ITSN2: variants seen among roughly 807,000 people sequenced by gnomAD.
The protein encoded by ITSN2 is intersectin-2.
ITSN2 carries 156 observed loss-of-function variants against 243.7 expected under a neutral mutation model. The observed-to-expected ratio is 0.64, with a 90% CI of 0.56 to 0.73. The LOEUF is 0.73. Ranked by LOEUF, ITSN2 falls within the 30% of genes least tolerant of loss-of-function variation. The pLI is 0.00. For synonymous variants in ITSN2, 703 were observed against 699.9 expected (o/e 1.00, Z -0.07); for missense variants, 1,801 against 1,996.1 (o/e 0.90, Z 1.86).
intron 1 of ITSN2, among the ~76,000 whole-genome samples, chr2:24,356,555 T>C (rs555371792): frequency 9.1e-4 from 137 of 150,700 alleles, no homozygotes; most frequent in African/African-American, 3.2e-3. Context: ...AAAGAAGACA[T>C]TTTTGAGGCC....
Position 24,354,845 on chromosome 2 carries a change from T to C in ITSN2, c.-34+5459A>G, listed in dbSNP as rs114194934. 3.7e-3 allele frequency among the ~76,000 whole-genome samples: 566 copies of C among 152,352 alleles called. 6 individuals are homozygous for C. Among genetic ancestry groups the C allele is most frequent in the African/African-American group, 0.013 (531 of 41,582 alleles). On this transcript the variant is annotated intron_variant, in intron 1 of 39. Coordinates refer to ENST00000355123, the MANE Select transcript of ITSN2 (RefSeq NM_006277.3). The stretch of plus-strand genomic sequence containing the variant: ...AAAACAAATGTTTACCGTCTGGTAA[T>C]AGTCCCCTAATCCACTAAATGTCTG...
intron 1 of ITSN2, among the ~76,000 whole-genome samples, chr2:24,350,948 T>G (rs1321387553): frequency 6.6e-6 from 1 of 152,192 alleles, no homozygotes; most frequent in Non-Finnish European, 1.5e-5. Context: ...CACAAGTCTG[T>G]GAATATACTA....
intron 20 of ITSN2, among the ~76,000 whole-genome samples, chr2:24,267,063 T>C (rs1042031730): frequency 6.6e-6 from 1 of 152,192 alleles, no homozygotes; most frequent in Non-Finnish European, 1.5e-5. Flanking sequence ...CTCAGCATTG[T>C]ACCTGATTTA....
chr2:24,307,353 TA>T (rs536698735), intron 8 of ITSN2, among the ~76,000 whole-genome samples: 189 of 140,612 alleles, frequency 1.3e-3, no homozygotes, highest in South Asian at 1.8e-3. Flanking sequence ...CATTAAAATG[TA>T]AAAAAAAAAA....
At chr2:24,206,318 G>C (rs530475732) in intron 37 of ITSN2, 10 of 401,104 alleles carry the variant, frequency 2.5e-5, no homozygotes, top group Admixed American at 2.2e-4. Context: ...ATAGCAGCCA[G>C]GAAGCTGGTG....
chr2:24,338,113 GACTT>G (rs1348277715), intron 1 of ITSN2, among the ~76,000 whole-genome samples: 9 of 152,122 alleles, frequency 5.9e-5, no homozygotes, highest in African/African-American at 2.2e-4. Context: ...CATCAACACA[GACTT>G]AGTCTGATAA....
chr2:24,300,433 T>A (rs1173527786), intron 11 of ITSN2, among the ~76,000 whole-genome samples: 1 of 152,196 alleles, frequency 6.6e-6, no homozygotes, highest in East Asian at 1.9e-4. Context: ...AAAATACTTT[T>A]TCGGTTGGGT....
At chr2:24,332,482 G>A (rs990859813) in intron 1 of ITSN2, among the ~76,000 whole-genome samples, 4 of 152,114 alleles carry the variant, frequency 2.6e-5, no homozygotes, top group African/African-American at 9.7e-5. Flanking sequence ...CTTGGGTAAA[G>A]CTGAAGGTAC....
chr2:24,252,751 GTTTA>G (rs1217371623), intron 24 of ITSN2, among the ~76,000 whole-genome samples: 3 of 152,014 alleles, frequency 2.0e-5, no homozygotes, highest in Admixed American at 6.6e-5. Context: ...ATTCCCAATT[GTTTA>G]TTTTTTTATC....
At chr2:24,236,677 T>TG (rs1553349489) in intron 29 of ITSN2, among the ~76,000 whole-genome samples, 2 of 149,376 alleles carry the variant, frequency 1.3e-5, no homozygotes, top group Non-Finnish European at 3.0e-5. Flanking sequence ...TTTTTTCTTT[T>TG]TTTTTTTTTG....
chr2:24,259,042 T>C (rs570701240), intron 22 of ITSN2, among the ~76,000 whole-genome samples: 101 of 152,316 alleles, frequency 6.6e-4, no homozygotes, highest in African/African-American at 2.4e-3. Flanking sequence ...TATCTCCTGA[T>C]CTCCAGACTT....
chr2:24,348,802 G>A (rs770184784), intron 1 of ITSN2, among the ~76,000 whole-genome samples: 1 of 152,084 alleles, frequency 6.6e-6, no homozygotes, highest in East Asian at 1.9e-4. Flanking sequence ...AGCAGCTAAC[G>A]GGCAGAAAAG....
chr2:24,271,382 A>C (rs1677324815), intron 19 of ITSN2, among the ~76,000 whole-genome samples: 1 of 152,228 alleles, frequency 6.6e-6, no homozygotes, highest in African/African-American at 2.4e-5. Context: ...AAGAGATACA[A>C]TACTACTAAA....
intron 3 of ITSN2, among the ~76,000 whole-genome samples, chr2:24,313,795 A>C (rs999443534): frequency 1.3e-5 from 2 of 152,226 alleles, no homozygotes; most frequent in African/African-American, 4.8e-5. Context: ...GTCTTCCTTA[A>C]AAATACTTCC....
chr2:24,262,063 C>T (rs886543979), intron 20 of ITSN2, among the ~76,000 whole-genome samples: 1 of 152,144 alleles, frequency 6.6e-6, no homozygotes, highest in Non-Finnish European at 1.5e-5. Flanking sequence ...TGCCATTCTT[C>T]CTGGTTTCTT....
At chr2:24,240,177 A>G (rs1672572177) in intron 29 of ITSN2, 1 of 152,150 alleles carries the variant, frequency 6.6e-6, no homozygotes, top group South Asian at 2.1e-4. Context: ...TTCTACCCCG[A>G]GGGTTTAAAA....
chr2:24,218,126 C>G (rs1483320134), intron 30 of ITSN2, 113 bp from the exon 31 acceptor site: 2 of 678,028 alleles, frequency 2.9e-6, no homozygotes, highest in East Asian at 5.2e-5. Flanking sequence ...CAAATAATGT[C>G]AACATAAACT....
At chr2:24,324,790 T>C (rs1200309756) in intron 2 of ITSN2, among the ~76,000 whole-genome samples, 2 of 142,562 alleles carry the variant, frequency 1.4e-5, no homozygotes, top group Non-Finnish European at 1.5e-5. Context: ...GAGGTTGAGA[T>C]TGCAGTGAGC....
chr2:24,353,663 C>A (rs769282155), intron 1 of ITSN2, among the ~76,000 whole-genome samples: 1 of 152,150 alleles, frequency 6.6e-6, no homozygotes, highest in Non-Finnish European at 1.5e-5. Flanking sequence ...CTTGCAGGTA[C>A]AGCCCATGGG....
Sources: allele counts gnomAD v4.1 joint callset (sites outside exome capture counted in the v4.1 genomes callset), GRCh38; gene constraint gnomAD v4.1.1; transcripts MANE v1.5; gene names NCBI Gene and HGNC (gene_info 2026-07-23, HGNC 2026-07-21).